Variants in DCDC1 observed in about 807,000 individuals in gnomAD.
DCDC1 encodes doublecortin domain containing 1, also known as doublecortin domain-containing protein 1.
Under a neutral mutation model 178.3 loss-of-function variants are expected in DCDC1, and 200 were observed. That is an observed-to-expected ratio of 1.12 (90% CI 1.00 to 1.26). The LOEUF is 1.26. DCDC1 is among the 50% of genes most tolerant of loss of function. The pLI, the probability that DCDC1 is intolerant of heterozygous loss-of-function variation, is 0.00. For missense variants in DCDC1, 1,983 were observed against 1,749.2 expected (o/e 1.13, Z -2.38); for synonymous variants, 690 against 604.8 (o/e 1.14, Z -2.07).
chr11:31,309,851 T>A (rs1483430575), intron 3 of DCDC1, among the ~76,000 whole-genome samples: 2 of 152,232 alleles, frequency 1.3e-5, no homozygotes, highest in Admixed American at 1.3e-4. Context: ...TCTGACTAAA[T>A]ACTGTTTTAT....
At chr11:31,299,337 A>C (rs967044519) in intron 6 of DCDC1, among the ~76,000 whole-genome samples, 46 of 152,336 alleles carry the variant, frequency 3.0e-4, no homozygotes, top group African/African-American at 1.1e-3. Flanking sequence ...TTAAAATTAC[A>C]AACATCCCAT....
chr11:31,308,533 T>C (rs1211095138), intron 3 of DCDC1, among the ~76,000 whole-genome samples: 1 of 152,154 alleles, frequency 6.6e-6, no homozygotes, highest in Non-Finnish European at 1.5e-5. Context: ...TCATCTCTGT[T>C]CAGGACTATC....
At chr11:31,050,020 G>A (rs1391544564) in intron 20 of DCDC1, among the ~76,000 whole-genome samples, 1 of 152,180 alleles carries the variant, frequency 6.6e-6, no homozygotes, top group African/African-American at 2.4e-5. Flanking sequence ...ACTCCAGGGA[G>A]GGTGAGAATC....
chr11:31,157,850 T>C (rs1965884892), intron 9 of DCDC1, among the ~76,000 whole-genome samples: 1 of 152,172 alleles, frequency 6.6e-6, no homozygotes, highest in Non-Finnish European at 1.5e-5. Flanking sequence ...TATATTATGG[T>C]ATTTTACTAC....
chr11:31,281,758 C>T (rs763355286), intron 7 of DCDC1, among the ~76,000 whole-genome samples: 2 of 152,186 alleles, frequency 1.3e-5, no homozygotes, highest in South Asian at 2.1e-4. Context: ...GAAACTGTTT[C>T]GCTTGGCTTT....
intron 6 of DCDC1, 32 bp downstream of exon 6, chr11:31,305,583 T>C (rs1415060919): frequency 2.5e-6 from 4 of 1,609,092 alleles, no homozygotes; most frequent in Non-Finnish European, 2.5e-6. Flanking sequence ...TCAGTATGTG[T>C]GGGGGTAGGG....
intron 20 of DCDC1, among the ~76,000 whole-genome samples, chr11:31,004,030 A>C (rs1951709943): frequency 6.6e-6 from 1 of 152,126 alleles, no homozygotes; most frequent in African/African-American, 2.4e-5. Flanking sequence ...CTTTTGGAGG[A>C]ATGACAATAA....
chr11:31,094,151 A>T lies in DCDC1; in HGVS notation c.2017T>A (p.Ser673Thr), dbSNP rs1402091842. ...CCTGAGAAACTCCACTTTCCAATGG[A>T]AACAGAGGCATGAAGGACAATATTG... ...DPNIVLHASV[S>T]IGKWSFSGSE... is the part of the protein sequence containing the mutation. The change falls in exon 16 of 39, where the codon TCC (serine) becomes ACC (threonine). Residue 673 changes from serine to threonine, a missense_variant. Physicochemically the swap from Ser to Thr is moderately conservative, Grantham distance 58. Transcript: ENST00000684477. 2 of 766,260 alleles carry T rather than the reference A, an allele frequency of 2.6e-6. No homozygotes were observed. Among genetic ancestry groups the T allele is most frequent in the Non-Finnish European group, 4.8e-6 (2 of 417,800 alleles). The allele number at this position is 766,260 out of a possible 1,614,324, so 47.5% of individuals were successfully genotyped here. A position where few individuals can be genotyped will look rare whatever the true frequency, so the allele number is the denominator to read the frequency against.
intron 20 of DCDC1, among the ~76,000 whole-genome samples, chr11:31,015,294 A>C (rs1406613580): frequency 6.6e-6 from 1 of 152,098 alleles, no homozygotes; most frequent in Non-Finnish European, 1.5e-5. Flanking sequence ...AGGATTACAG[A>C]ATTTCCTTAT....
In DCDC1 at chr11:30,900,456, G is replaced by A. The variant is rs1443476077; in HGVS notation, c.4553C>T (p.Ser1518Phe). ...ACCATCCAAACTATCGGATGTCACA[G>A]ATTTTGCAAATAATCTGTTTTTCAC... ...MKVKNRLFAK[S>F]VTSDSLDGID... The change falls in exon 33 of 39, where the codon TCT (serine) becomes TTT (phenylalanine). Residue 1518 changes from serine to phenylalanine, a missense_variant. By Grantham distance (155) the Ser-to-Phe change is radical. Coordinates refer to ENST00000684477, the MANE Select transcript of DCDC1 (RefSeq NM_001387274.1). The A allele has an allele frequency of 2.6e-6, 4 of 1,551,838 alleles. No homozygotes were observed. In the South Asian group the frequency reaches 3.8e-5, roughly 15 times the overall value.
At chr11:31,056,416 A>C (rs1460224320) in intron 20 of DCDC1, among the ~76,000 whole-genome samples, 1 of 152,120 alleles carries the variant, frequency 6.6e-6, no homozygotes, top group Non-Finnish European at 1.5e-5. Flanking sequence ...AGATTGTAAT[A>C]CTGCACTAAA....
At chr11:31,169,267 G>A (rs1966909504) in intron 9 of DCDC1, among the ~76,000 whole-genome samples, 1 of 152,124 alleles carries the variant, frequency 6.6e-6, no homozygotes, top group Non-Finnish European at 1.5e-5. Context: ...ACCTGATGAT[G>A]AGTTAATAGG....
chr11:31,221,679 G>A (rs1015789335), intron 9 of DCDC1, among the ~76,000 whole-genome samples: 2 of 152,138 alleles, frequency 1.3e-5, no homozygotes, highest in Admixed American at 6.5e-5. Context: ...CCTGGTCTCT[G>A]CTGAGATAGC....
intron 10 of DCDC1, among the ~76,000 whole-genome samples, chr11:31,130,690 T>C (rs1050557875): frequency 1.3e-5 from 2 of 152,182 alleles, no homozygotes; most frequent in African/African-American, 2.4e-5. Context: ...ATAACTTATA[T>C]AGTAGGTTAC....
chr11:30,950,975 C>G (rs372239423), intron 21 of DCDC1, among the ~76,000 whole-genome samples: 3 of 151,776 alleles, frequency 2.0e-5, no homozygotes, highest in East Asian at 3.9e-4. Flanking sequence ...ACATGTATCT[C>G]ATAAATTATG....
intron 20 of DCDC1, among the ~76,000 whole-genome samples, chr11:31,007,864 T>C (rs1353667978): frequency 6.6e-6 from 1 of 152,108 alleles, no homozygotes; most frequent in Non-Finnish European, 1.5e-5. Flanking sequence ...GGTTTCAACA[T>C]GTTGCCCAGG....
At chr11:31,014,939 A>G (rs1185066938) in intron 20 of DCDC1, among the ~76,000 whole-genome samples, 1 of 150,222 alleles carries the variant, frequency 6.7e-6, no homozygotes, top group African/African-American at 2.4e-5. Context: ...AGCATCTAAC[A>G]TTCTCCTTTT....
At chr11:31,208,547 T>C (rs1043096603) in intron 9 of DCDC1, among the ~76,000 whole-genome samples, 2 of 152,212 alleles carry the variant, frequency 1.3e-5, no homozygotes, top group Admixed American at 6.5e-5. Flanking sequence ...CAGCATTATC[T>C]TTCTCAAGCA....
At chr11:31,198,864 C>G (rs1378532785) in intron 9 of DCDC1, among the ~76,000 whole-genome samples, 1 of 151,784 alleles carries the variant, frequency 6.6e-6, no homozygotes, top group Non-Finnish European at 1.5e-5. Context: ...CTTGAAGTTG[C>G]CCCCAAAAGC....
Sources: allele counts gnomAD v4.1 joint callset (sites outside exome capture counted in the v4.1 genomes callset), GRCh38; gene constraint gnomAD v4.1.1; transcripts MANE v1.5; gene names NCBI Gene and HGNC (gene_info 2026-07-23, HGNC 2026-07-21).